ITGB3: variants seen among roughly 807,000 people sequenced by gnomAD.
The protein encoded by ITGB3 is integrin beta-3.
In ITGB3, 48 loss-of-function variants were observed where a neutral mutation model predicts 85.8. The ratio of observed to expected loss-of-function variants is 0.56; its 90% CI spans 0.44 to 0.71. The LOEUF (loss-of-function observed/expected upper bound fraction) is 0.71. ITGB3 is among the 30% of genes least tolerant of loss of function. The probability of loss-of-function intolerance (pLI) is 0.00; values close to 1 mark genes in which losing one functional copy is unlikely to be tolerated. For missense variants in ITGB3, 861 were observed against 1,019.1 expected (o/e 0.84, Z 2.11); for synonymous variants, 363 against 395.6 (o/e 0.92, Z 0.98).
chr17:47,258,727 G>A (rs8077238), intron 1 of ITGB3, among the ~76,000 whole-genome samples: 27,219 of 152,012 alleles, frequency 0.18, 2,540 homozygotes, highest in East Asian at 0.25. Flanking sequence ...ACAGGCGTGA[G>A]CTACTGTGCC....
chr17:47,264,565 G>A (rs376639835), intron 1 of ITGB3, among the ~76,000 whole-genome samples: 16 of 152,200 alleles, frequency 1.1e-4, no homozygotes, highest in African/African-American at 3.1e-4. Flanking sequence ...TCCTCCAGTG[G>A]CTTCCCACTA....
At chr17:47,269,667 T>C (rs2065037625) in intron 1 of ITGB3, among the ~76,000 whole-genome samples, 1 of 152,224 alleles carries the variant, frequency 6.6e-6, no homozygotes, top group Non-Finnish European at 1.5e-5. Flanking sequence ...CATCTTCCTG[T>C]ATTCTGAGCC....
chr17:47,269,079 T>G (rs543539712), intron 1 of ITGB3, among the ~76,000 whole-genome samples: 20 of 152,342 alleles, frequency 1.3e-4, no homozygotes, highest in Non-Finnish European at 2.5e-4. Flanking sequence ...TTGGTCACTT[T>G]TAGCCATGGC....
chr17:47,300,000 C>A lies in ITGB3; in HGVS notation c.1913+470C>A, dbSNP rs542676691. ...AAGCAGGGCCAGATTTACGAGTGTGCAACCTATGCAGCTGTATAGGGCCCT... is the reference window on the plus strand; with the variant it reads ...AAGCAGGGCCAGATTTACGAGTGTGAAACCTATGCAGCTGTATAGGGCCCT... On this transcript the variant is annotated intron_variant, in intron 11 of 14. Coordinates refer to ENST00000559488, the MANE Select transcript of ITGB3 (RefSeq NM_000212.3). The surrounding 1 kb of genome is among the most constrained non-coding windows in gnomAD (Gnocchi z 5.1). Among the ~76,000 whole-genome samples, 8 of 152,236 alleles carry A rather than the reference C, an allele frequency of 5.3e-5. No homozygotes were observed. The highest frequency in any genetic ancestry group is 8.8e-5 in the Non-Finnish European group (6 of 68,040).
intron 4 of ITGB3, among the ~76,000 whole-genome samples, chr17:47,285,464 A>C (rs1337302061): frequency 6.6e-6 from 1 of 152,096 alleles, no homozygotes; most frequent in East Asian, 1.9e-4. Flanking sequence ...ATTACAAAAA[A>C]ATTAGCTATG....
chr17:47,300,106 C>T (rs2065160625), intron 11 of ITGB3, among the ~76,000 whole-genome samples: 1 of 152,232 alleles, frequency 6.6e-6, no homozygotes, highest in South Asian at 2.1e-4. Context: ...AACAAGGGAG[C>T]TGACATTTTC....
At chr17:47,279,364 C>T (rs2065075268) in intron 2 of ITGB3, among the ~76,000 whole-genome samples, 1 of 152,180 alleles carries the variant, frequency 6.6e-6, no homozygotes, top group Admixed American at 6.5e-5. Flanking sequence ...ACCTTCTCAG[C>T]CTGGGTTACC....
intron 10 of ITGB3, among the ~76,000 whole-genome samples, chr17:47,297,828 G>A (rs2065151263): frequency 7.0e-6 from 1 of 142,968 alleles, no homozygotes; most frequent in Non-Finnish European, 1.5e-5. Flanking sequence ...GTTACAGTGA[G>A]CAATGATTGC....
chr17:47,284,789 G>A (rs1567764443), intron 4 of ITGB3, 94 bp downstream of exon 4: 4 of 1,543,596 alleles, frequency 2.6e-6, no homozygotes, highest in Non-Finnish European at 3.6e-6. Flanking sequence ...CACTTTGTTG[G>A]CTGTCTTCTT....
intron 6 of ITGB3, among the ~76,000 whole-genome samples, chr17:47,288,157 G>A (rs1422121465): frequency 1.3e-5 from 2 of 150,694 alleles, no homozygotes; most frequent in Middle Eastern, 3.2e-3. Context: ...CAAAGTGCTG[G>A]GATTACAGGT....
Position 47,292,626 on chromosome 17 carries a change from A to G in ITGB3, c.1690+58A>G, listed in dbSNP as rs550219435. 139 of 1,562,274 alleles carry G rather than the reference A, an allele frequency of 8.9e-5. No individual in the cohort carries two copies. The African/African-American group carries it at 1.7e-3, about 20-fold the overall frequency. On this transcript the variant is annotated intron_variant, in intron 10 of 14. Coordinates refer to ENST00000559488, the MANE Select transcript of ITGB3 (RefSeq NM_000212.3). ...ACCCACACCCCCTCATATACCTGCAACCACTGGAAACATAGGTGAAGGCCT... is the reference window on the plus strand; with the variant it reads ...ACCCACACCCCCTCATATACCTGCAGCCACTGGAAACATAGGTGAAGGCCT...
At position 47,310,326 on chromosome 17, in the gene ITGB3, G is replaced by T; in HGVS notation, c.*122G>T. The T allele has an allele frequency of 6.7e-6, 6 of 900,088 alleles. No homozygotes were observed. Among genetic ancestry groups the T allele is most frequent in the Non-Finnish European group, 1.1e-5 (6 of 549,884 alleles). The allele number at this position is 900,088 out of a possible 1,614,324, so 55.8% of individuals were successfully genotyped here. A position where few individuals can be genotyped will look rare whatever the true frequency, so the allele number is the denominator to read the frequency against. ...TTTGGGGCTCAGAGTGGGGTAGGTT[G>T]GGAGAATGTCAGTATGTGGAAGTGT... is the stretch of plus-strand genomic sequence containing the variant. On this transcript the variant is annotated 3_prime_UTR_variant, in exon 15 of 15. Coordinates refer to ENST00000559488, the MANE Select transcript of ITGB3 (RefSeq NM_000212.3).
intron 2 of ITGB3, among the ~76,000 whole-genome samples, chr17:47,282,241 G>A (rs1313339723): frequency 6.6e-6 from 1 of 152,102 alleles, no homozygotes; most frequent in Non-Finnish European, 1.5e-5. Flanking sequence ...AAGCAACTGT[G>A]CCTGGCCCAT....
chr17:47,277,396 G>T (rs544050713), intron 2 of ITGB3, among the ~76,000 whole-genome samples: 1 of 152,288 alleles, frequency 6.6e-6, no homozygotes, highest in African/African-American at 2.4e-5. Flanking sequence ...TTGGGTCAAG[G>T]TGGATGGAGG....
intron 2 of ITGB3, among the ~76,000 whole-genome samples, chr17:47,276,395 T>C (rs2065064150): frequency 6.6e-6 from 1 of 152,080 alleles, no homozygotes. Flanking sequence ...TGGGTGACTG[T>C]TGTGCTCCTT....
intron 7 of ITGB3, among the ~76,000 whole-genome samples, 161 bp from the exon 8 acceptor site, chr17:47,290,024 G>A (rs1243121805): frequency 2.0e-5 from 3 of 152,134 alleles, no homozygotes; most frequent in Non-Finnish European, 4.4e-5. Flanking sequence ...CTTTTGCTCA[G>A]GGCTGAAAAA....
In ITGB3 at chr17:47,292,587, C is replaced by A. The variant is rs562984912; in HGVS notation, c.1690+19C>A. The A allele has an allele frequency of 9.4e-5, 151 of 1,599,024 alleles. No individual in the cohort carries two copies. The East Asian group carries it at 1.8e-3, about 19-fold the overall frequency. Reference sequence around the variant, plus strand: ...TGCTCAGGTGAGGAGAACTGCAGGGCCCCCTGTCCTGGAACCCACACCCCC... The same window carrying A: ...TGCTCAGGTGAGGAGAACTGCAGGGACCCCTGTCCTGGAACCCACACCCCC... On this transcript the variant is annotated intron_variant, in intron 10 of 14. Transcript: ENST00000559488.
chr17:47,283,261 C>T (rs1415956688), intron 2 of ITGB3, 93 bp from the exon 3 acceptor site: 16 of 1,195,468 alleles, frequency 1.3e-5, no homozygotes, highest in African/African-American at 4.5e-5. Context: ...ACGGGGTAAA[C>T]TCTTAGCTAT....
At chr17:47,292,037 G>A in intron 9 of ITGB3, 102 bp from the exon 10 acceptor site, 1 of 1,175,700 alleles carries the variant, frequency 8.5e-7, no homozygotes, top group Non-Finnish European at 1.3e-6. Flanking sequence ...CACCCAATTT[G>A]GGTATTCCTT....
Sources: allele counts gnomAD v4.1 joint callset (sites outside exome capture counted in the v4.1 genomes callset), GRCh38; gene constraint gnomAD v4.1.1; non-coding constraint Gnocchi (gnomAD v3.1); transcripts MANE v1.5; gene names NCBI Gene and HGNC (gene_info 2026-07-23, HGNC 2026-07-21).